Variants in ATRNL1 observed in about 807,000 individuals in gnomAD.
The protein encoded by ATRNL1 is attractin-like protein 1.
A neutral mutation model predicts 182.7 loss-of-function variants in ATRNL1; 95 were observed. The ratio of observed to expected loss-of-function variants is 0.52; its 90% CI spans 0.44 to 0.62. The LOEUF is 0.62. ATRNL1 is among the 20% of genes least tolerant of loss of function. The pLI, the probability that ATRNL1 is intolerant of heterozygous loss-of-function variation, is 0.00. For missense variants in ATRNL1, 1,471 were observed against 1,679.5 expected (o/e 0.88, Z 2.17); for synonymous variants, 576 against 568.3 (o/e 1.01, Z -0.19).
chr10:115,406,142 G>A (rs958713817), intron 20 of ATRNL1, among the ~76,000 whole-genome samples: 19 of 151,950 alleles, frequency 1.3e-4, no homozygotes, highest in Admixed American at 3.3e-4. Flanking sequence ...GAGTAGTGCC[G>A]CAATAAACAT....
chr10:115,440,955 T>G (rs1408630569), intron 21 of ATRNL1, among the ~76,000 whole-genome samples: 4 of 151,870 alleles, frequency 2.6e-5, no homozygotes, highest in African/African-American at 9.7e-5. Context: ...ACCTCCTACT[T>G]CATTGAGAAA....
chr10:115,527,623 T>C (rs1851291318), intron 25 of ATRNL1, among the ~76,000 whole-genome samples: 1 of 152,220 alleles, frequency 6.6e-6, no homozygotes, highest in Non-Finnish European at 1.5e-5. Context: ...AATTTTTTCC[T>C]GACCTAGTTG....
intron 8 of ATRNL1, among the ~76,000 whole-genome samples, chr10:115,183,604 C>T (rs1160422004): frequency 5.3e-5 from 8 of 151,408 alleles, no homozygotes; most frequent in Admixed American, 1.3e-4. Flanking sequence ...TGAATTATTT[C>T]ATAGAAAGTA....
chr10:115,319,089 G>A (rs144064013), intron 18 of ATRNL1, among the ~76,000 whole-genome samples: 2 of 152,128 alleles, frequency 1.3e-5, no homozygotes, highest in East Asian at 1.9e-4. Flanking sequence ...CTGGTATTTT[G>A]TCTCTTTGTT....
chr10:115,094,160 A>T (rs2084951872), intron 1 of ATRNL1, 117 bp downstream of exon 1: 2 of 1,056,234 alleles, frequency 1.9e-6, no homozygotes, highest in African/African-American at 1.7e-5. Context: ...CCCGGCCGTG[A>T]GTGAACCTCA....
At chr10:115,793,003 T>C (rs1372823384) in intron 27 of ATRNL1, among the ~76,000 whole-genome samples, 1 of 151,990 alleles carries the variant, frequency 6.6e-6, no homozygotes, top group Non-Finnish European at 1.5e-5. Flanking sequence ...AGAATACAAA[T>C]ATACAAATGA....
intron 24 of ATRNL1, among the ~76,000 whole-genome samples, chr10:115,518,361 A>T (rs1242895832): frequency 6.6e-6 from 1 of 151,948 alleles, no homozygotes; most frequent in Non-Finnish European, 1.5e-5. Flanking sequence ...TTCATAAAAT[A>T]TTATTAAAAG....
chr10:115,332,976 T>C (rs1010386297), intron 18 of ATRNL1, among the ~76,000 whole-genome samples: 10 of 152,218 alleles, frequency 6.6e-5, no homozygotes, highest in Non-Finnish European at 1.0e-4. Context: ...GAAGATTAAA[T>C]AATAAAATTC....
intron 15 of ATRNL1, among the ~76,000 whole-genome samples, chr10:115,289,741 T>C (rs1295669655): frequency 6.6e-6 from 1 of 152,224 alleles, no homozygotes; most frequent in Non-Finnish European, 1.5e-5. Flanking sequence ...AACTGGTGTA[T>C]GTTTATGTTT....
At chr10:115,467,132 G>T (rs1848088295) in intron 22 of ATRNL1, 42 bp from the exon 23 acceptor site, 2 of 1,117,046 alleles carry the variant, frequency 1.8e-6, no homozygotes, top group Non-Finnish European at 2.7e-6. Context: ...TATATCTAGT[G>T]TAATTTTCGT....
intron 28 of ATRNL1, among the ~76,000 whole-genome samples, chr10:115,919,723 A>C (rs782046954): frequency 2.0e-5 from 3 of 152,150 alleles, no homozygotes; most frequent in Non-Finnish European, 4.4e-5. Context: ...TTAAACAGCA[A>C]ACATTTATTT....
At chr10:115,743,981 G>C (rs1948217548) in intron 27 of ATRNL1, among the ~76,000 whole-genome samples, 1 of 119,774 alleles carries the variant, frequency 8.3e-6, no homozygotes. Context: ...AAATATAAAT[G>C]AATATGTATT....
At chr10:115,928,655 C>T (rs1351394721) in intron 28 of ATRNL1, among the ~76,000 whole-genome samples, 1 of 151,888 alleles carries the variant, frequency 6.6e-6, no homozygotes, top group African/African-American at 2.4e-5. Flanking sequence ...ACTTTCTTAT[C>T]TTTTTCCTGT....
chr10:115,754,979 T>C (rs1555071593), intron 27 of ATRNL1, among the ~76,000 whole-genome samples: 1 of 152,180 alleles, frequency 6.6e-6, no homozygotes, highest in African/African-American at 2.4e-5. Context: ...TTGTCTGTTA[T>C]TGGTGTATAG....
At chr10:115,111,402 G>A (rs888862906) in intron 1 of ATRNL1, among the ~76,000 whole-genome samples, 1 of 152,212 alleles carries the variant, frequency 6.6e-6, no homozygotes, top group Non-Finnish European at 1.5e-5. Flanking sequence ...AAAGAGATTT[G>A]TTTGGCTCAT....
intron 28 of ATRNL1, among the ~76,000 whole-genome samples, chr10:115,906,775 A>G (rs1224509602): frequency 6.6e-6 from 1 of 152,192 alleles, no homozygotes; most frequent in Non-Finnish European, 1.5e-5. Context: ...TCATCTTTAC[A>G]GTGAAGGCCA....
At chr10:115,223,324 A>G (rs892619608) in intron 9 of ATRNL1, among the ~76,000 whole-genome samples, 1 of 152,170 alleles carries the variant, frequency 6.6e-6, no homozygotes, top group Non-Finnish European at 1.5e-5. Context: ...CAGATTAAAT[A>G]TTCCAGTTAA....
intron 20 of ATRNL1, among the ~76,000 whole-genome samples, chr10:115,405,454 C>T (rs569959432): frequency 2.6e-5 from 4 of 152,244 alleles, no homozygotes; most frequent in African/African-American, 9.6e-5. Flanking sequence ...AGTGACTGAA[C>T]ATATTTCAGT....
At position 115,564,894 on chromosome 10, in the gene ATRNL1, AATT is replaced by A. The variant is rs1401636183; in HGVS notation, c.3795+15364_3795+15366del. ...TGCATGTAACTGTAAAGTTCTAATAAATTATTATAATTCTGAATTATTTTGCAA... is the reference window on the plus strand; with the variant it reads ...TGCATGTAACTGTAAAGTTCTAATAAATTATAATTCTGAATTATTTTGCAA... On this transcript the variant is annotated intron_variant, in intron 26 of 28. Transcript: ENST00000355044. Among the ~76,000 whole-genome samples, 16 of 152,034 alleles carry A rather than the reference AATT, an allele frequency of 1.1e-4. No individual in the cohort carries two copies. In the South Asian group the frequency reaches 1.2e-3, roughly 12 times the overall value.
Sources: gnomAD v4.1 joint callset for allele counts (sites outside exome capture counted in the v4.1 genomes callset) on GRCh38, gnomAD v4.1.1 for gene constraint, MANE v1.5 for transcripts, NCBI Gene and HGNC (gene_info 2026-07-23, HGNC 2026-07-21) for gene names.